Variants in DLG2 observed in about 807,000 individuals in gnomAD.
DLG2 encodes the protein discs large MAGUK scaffold protein 2.
In DLG2, 45 loss-of-function variants were observed where a neutral mutation model predicts 132.5. That is an observed-to-expected ratio of 0.34 (90% CI 0.27 to 0.44). The LOEUF is 0.44. Ranked by LOEUF, DLG2 falls within the 20% of genes least tolerant of loss-of-function variation. DLG2 has a pLI of 1.00. For missense variants in DLG2, 1,045 were observed against 1,196.9 expected (o/e 0.87, Z 1.87); for synonymous variants, 424 against 419.6 (o/e 1.01, Z -0.13).
chr11:83,539,504 T>C (rs2095996988), intron 20 of DLG2, among the ~76,000 whole-genome samples: 1 of 152,152 alleles, frequency 6.6e-6, no homozygotes, highest in South Asian at 2.1e-4. Context: ...GTGATTTTTA[T>C]GTTTTTCTAA....
At chr11:84,393,225 G>T (rs11234010) in intron 7 of DLG2, among the ~76,000 whole-genome samples, 21,961 of 151,850 alleles carry the variant, frequency 0.14, 2,246 homozygotes, top group African/African-American at 0.29. Context: ...AAAACATGAA[G>T]AAAAACTTGT....
intron 6 of DLG2, among the ~76,000 whole-genome samples, chr11:85,110,441 A>G (rs1286796870): frequency 6.6e-6 from 1 of 151,834 alleles, no homozygotes; most frequent in Non-Finnish European, 1.5e-5. Context: ...AAAACCAAAA[A>G]CAGAAAAACC....
intron 11 of DLG2, among the ~76,000 whole-genome samples, chr11:84,007,574 A>G (rs977176975): frequency 6.6e-6 from 1 of 151,782 alleles, no homozygotes; most frequent in Non-Finnish European, 1.5e-5. Flanking sequence ...ATTCAGCTAC[A>G]TAATTGAACA....
chr11:84,909,483 C>T (rs1377371908), intron 6 of DLG2, among the ~76,000 whole-genome samples: 2 of 151,918 alleles, frequency 1.3e-5, no homozygotes, highest in Admixed American at 6.6e-5. Flanking sequence ...GGGCAGTAAC[C>T]CTCACCTGAC....
At chr11:84,279,761 G>C (rs1159117483) in intron 7 of DLG2, among the ~76,000 whole-genome samples, 2 of 152,118 alleles carry the variant, frequency 1.3e-5, no homozygotes, top group Admixed American at 1.3e-4. Flanking sequence ...TGAACAATGA[G>C]AACAAATGGA....
chr11:84,314,666 A>C (rs1285332627), intron 7 of DLG2, among the ~76,000 whole-genome samples: 2 of 152,030 alleles, frequency 1.3e-5, no homozygotes, highest in Non-Finnish European at 2.9e-5. Context: ...TAGGACAGAA[A>C]AATTGAAATA....
At chr11:84,944,539 T>C (rs142836024) in intron 6 of DLG2, among the ~76,000 whole-genome samples, 122 of 152,082 alleles carry the variant, frequency 8.0e-4, no homozygotes, top group African/African-American at 2.7e-3. Flanking sequence ...TTGTTCAATA[T>C]ATCAATTGAA....
At chr11:84,759,012 G>T (rs533666128) in intron 6 of DLG2, among the ~76,000 whole-genome samples, 1 of 152,164 alleles carries the variant, frequency 6.6e-6, no homozygotes, top group South Asian at 2.1e-4. Context: ...TGAGTATCTG[G>T]AACTACAGGC....
chr11:84,717,827 A>G (rs980035924), intron 6 of DLG2, among the ~76,000 whole-genome samples: 2 of 152,092 alleles, frequency 1.3e-5, no homozygotes, highest in African/African-American at 2.4e-5. Context: ...TAAGTACTGC[A>G]TGCATCTCAT....
At chr11:84,629,674 C>T (rs1366892446) in intron 6 of DLG2, among the ~76,000 whole-genome samples, 1 of 152,132 alleles carries the variant, frequency 6.6e-6, no homozygotes, top group African/African-American at 2.4e-5. Context: ...TCATTTGTGT[C>T]CCCAGTACCT....
At chr11:84,610,403 A>T (rs940601922) in intron 6 of DLG2, among the ~76,000 whole-genome samples, 1 of 152,000 alleles carries the variant, frequency 6.6e-6, no homozygotes, top group Non-Finnish European at 1.5e-5. Flanking sequence ...ATAAAGAAAA[A>T]TTTTTTAAAA....
intron 6 of DLG2, among the ~76,000 whole-genome samples, chr11:84,938,434 T>G (rs2049002282): frequency 6.6e-6 from 1 of 152,212 alleles, no homozygotes. Context: ...AGCTTACTTT[T>G]GTTAAGAGTT....
intron 6 of DLG2, among the ~76,000 whole-genome samples, chr11:85,096,418 C>T (rs1307315018): frequency 6.6e-6 from 1 of 151,788 alleles, no homozygotes; most frequent in Non-Finnish European, 1.5e-5. Context: ...TCCAGACGCG[C>T]CACCTTTAAG....
chr11:84,548,261 C>T (rs1050827313), intron 6 of DLG2, among the ~76,000 whole-genome samples: 2 of 151,976 alleles, frequency 1.3e-5, no homozygotes, highest in African/African-American at 2.4e-5. Context: ...TGAGACAACG[C>T]TAAGTATTCT....
intron 6 of DLG2, among the ~76,000 whole-genome samples, chr11:84,852,909 C>A (rs1010574519): frequency 3.3e-5 from 5 of 151,918 alleles, no homozygotes; most frequent in Non-Finnish European, 7.4e-5. Context: ...AGTGCTAGAA[C>A]CTCCACACAG....
At chr11:85,383,103 T>A (rs981284646) in intron 3 of DLG2, among the ~76,000 whole-genome samples, 1 of 152,126 alleles carries the variant, frequency 6.6e-6, no homozygotes, top group African/African-American at 2.4e-5. Flanking sequence ...GATGAACAGA[T>A]AAATAATATA....
At chr11:84,002,659 T>C (rs2094410486) in intron 11 of DLG2, among the ~76,000 whole-genome samples, 1 of 152,110 alleles carries the variant, frequency 6.6e-6, no homozygotes, top group South Asian at 2.1e-4. Context: ...AGAGATTTCA[T>C]AAAGCAGCAA....
intron 6 of DLG2, among the ~76,000 whole-genome samples, chr11:84,894,900 G>GGT (rs2089981931): frequency 7.1e-6 from 1 of 141,368 alleles, no homozygotes; most frequent in South Asian, 2.2e-4. Flanking sequence ...TGCGGATTCT[G>GGT]AGCCAGCTTA....
rs141665907 is a variant in DLG2, at chr11:84,348,530, T to C, written c.520-97239A>G. 2.6e-3 allele frequency among the ~76,000 whole-genome samples: 396 copies of C among 152,332 alleles called. 1 individual carries two copies. The highest frequency in any genetic ancestry group is 9.2e-3 in the African/African-American group (384 of 41,590). ...GTTAGCTGCAGAATTTCTCAAACCC[T>C]TAATATGCTAATGCATGTAGGTAAG... On this transcript the variant is annotated intron_variant, in intron 7 of 27. Transcript: ENST00000376104.
Sources: allele counts gnomAD v4.1 joint callset (sites outside exome capture counted in the v4.1 genomes callset), GRCh38; gene constraint gnomAD v4.1.1; transcripts MANE v1.5; gene names NCBI Gene and HGNC (gene_info 2026-07-23, HGNC 2026-07-21).